CDRT4: variants seen among roughly 807,000 people sequenced by gnomAD.
CDRT4 encodes CMT1A duplicated region transcript 4 protein.
For missense variants in CDRT4, 167 were observed against 193.1 expected (o/e 0.87, Z 0.80); for synonymous variants, 64 against 69.6 (o/e 0.92, Z 0.40).
chr17:15,466,521 T>G (rs929314350), intron 1 of CDRT4, among the ~76,000 whole-genome samples: 2 of 152,208 alleles, frequency 1.3e-5, no homozygotes, highest in Admixed American at 1.3e-4. Context: ...TGTTCTAAAT[T>G]ACTTTTTTTA....
intron 1 of CDRT4, among the ~76,000 whole-genome samples, chr17:15,455,303 G>C (rs911533989): frequency 2.0e-5 from 3 of 152,180 alleles, no homozygotes; most frequent in African/African-American, 7.2e-5. Context: ...CTCCCAAGAG[G>C]AGTAAGGGTA....
At position 15,437,689 on chromosome 17, in the gene CDRT4, T is replaced by C; in HGVS notation, c.*84A>G. Reference sequence around the variant, plus strand: ...TTAAAGGACACTGTCAAGTGAGTGGTAAATGGAGCTTAACTTTTGTACGTT... The same window carrying C: ...TTAAAGGACACTGTCAAGTGAGTGGCAAATGGAGCTTAACTTTTGTACGTT... On this transcript the variant is annotated 3_prime_UTR_variant, in exon 4 of 4. Coordinates refer to ENST00000619038, the MANE Select transcript of CDRT4 (RefSeq NM_001204477.2). 1 of 1,376,348 alleles carries C rather than the reference T, an allele frequency of 7.3e-7. No individual in the cohort carries two copies. 85.3% of individuals were successfully genotyped at this position (1,376,348 alleles called of 1,614,324 possible).
chr17:15,443,815 C>T (rs557442092), intron 2 of CDRT4: 42 of 545,948 alleles, frequency 7.7e-5, no homozygotes, highest in South Asian at 1.9e-4. Flanking sequence ...GGTGGGGTAA[C>T]GGAAAGGAAC....
chr17:15,440,196 T>C lies in CDRT4; in HGVS notation c.31+12A>G. Reference sequence around the variant, plus strand: ...GTGCAGGAGCTTCCACTGGTAACACTCCCAACCCTACCTTCTTCTTTCTTC... The same window carrying C: ...GTGCAGGAGCTTCCACTGGTAACACCCCCAACCCTACCTTCTTCTTTCTTC... On this transcript the variant is annotated intron_variant, in intron 3 of 3. Coordinates refer to ENST00000619038, the MANE Select transcript of CDRT4 (RefSeq NM_001204477.2). 1 of 1,613,424 alleles carries C rather than the reference T, an allele frequency of 6.2e-7. No individual in the cohort carries two copies. The highest frequency in any genetic ancestry group is 8.5e-7 in the Non-Finnish European group (1 of 1,179,918).
chr17:15,455,618 CTT>C (rs953561799), intron 1 of CDRT4, among the ~76,000 whole-genome samples: 24 of 152,356 alleles, frequency 1.6e-4, no homozygotes, highest in African/African-American at 5.8e-4. Context: ...CTTACACTCT[CTT>C]TCTCGTTCAT....
chr17:15,442,216 G>A lies in CDRT4; in HGVS notation c.-47-1931C>T, dbSNP rs1300223467. 1.3e-5 allele frequency among the ~76,000 whole-genome samples: 2 copies of A among 152,116 alleles called. 1 individual carries two copies. The highest frequency in any genetic ancestry group is 2.9e-5 in the Non-Finnish European group (2 of 68,028). ...ACCTGAGGTTGGGAGTTCGAGATCA[G>A]CCTGGCTAACATGGTGAAACCCTGT... is the stretch of plus-strand genomic sequence containing the variant. On this transcript the variant is annotated intron_variant, in intron 2 of 3. Transcript: ENST00000619038.
intron 1 of CDRT4, among the ~76,000 whole-genome samples, chr17:15,456,933 A>G (rs536075069): frequency 1.3e-5 from 2 of 152,294 alleles, no homozygotes; most frequent in South Asian, 4.2e-4. Flanking sequence ...ATTTACCAAC[A>G]TTTAATAAAG....
intron 2 of CDRT4, among the ~76,000 whole-genome samples, chr17:15,441,892 T>C (rs142955383): frequency 1.3e-5 from 2 of 152,318 alleles, no homozygotes; most frequent in East Asian, 3.9e-4. Context: ...AATGCTCAAA[T>C]AGTCATCTAA....
At chr17:15,442,790 C>T (rs184048616) in intron 2 of CDRT4, among the ~76,000 whole-genome samples, 4 of 152,356 alleles carry the variant, frequency 2.6e-5, no homozygotes, top group Admixed American at 2.0e-4. Flanking sequence ...GTGTTTGAGA[C>T]TGCCTCAAAA....
chr17:15,454,085 A>G (rs1411547479), intron 1 of CDRT4, among the ~76,000 whole-genome samples: 1 of 152,190 alleles, frequency 6.6e-6, no homozygotes, highest in African/African-American at 2.4e-5. Flanking sequence ...GCCAAAACTG[A>G]GTCACTACGT....
At chr17:15,457,662 T>A (rs1979546782) in intron 1 of CDRT4, among the ~76,000 whole-genome samples, 1 of 152,260 alleles carries the variant, frequency 6.6e-6, no homozygotes, top group South Asian at 2.1e-4. Context: ...AACACTGGAA[T>A]CCCTCCCTCA....
At chr17:15,449,479 C>G (rs948729371) in intron 2 of CDRT4, among the ~76,000 whole-genome samples, 3 of 152,222 alleles carry the variant, frequency 2.0e-5, no homozygotes, top group Non-Finnish European at 2.9e-5. Flanking sequence ...CCAAGTCAAT[C>G]AACAGAGGTA....
In CDRT4 at chr17:15,437,255, A is replaced by G. The variant is rs975197608; in HGVS notation, c.*518T>C. The G allele has an allele frequency of 1.2e-5, 2 of 162,956 alleles. No individual in the cohort carries two copies. Among genetic ancestry groups the G allele is most frequent in the Admixed American group, 5.7e-5 (1 of 17,428 alleles). 10.1% of individuals were successfully genotyped at this position (162,956 alleles called of 1,614,324 possible). On this transcript the variant is annotated 3_prime_UTR_variant, in exon 4 of 4. Transcript: ENST00000619038. ...CATTGAGTGGCATCCCCACTCCCCC[A>G]CCTCAGAAGTCTGAGATTCAGCCCC...
chr17:15,453,302 C>A (rs1226507912), intron 1 of CDRT4, among the ~76,000 whole-genome samples: 1 of 152,166 alleles, frequency 6.6e-6, no homozygotes, highest in East Asian at 1.9e-4. Context: ...TCAAATGAGT[C>A]TTTCTAGGCA....
At chr17:15,448,777 C>A (rs1979139326) in intron 2 of CDRT4, among the ~76,000 whole-genome samples, 1 of 152,186 alleles carries the variant, frequency 6.6e-6, no homozygotes. Flanking sequence ...TGCCCGGTTG[C>A]TGCCAGCTCC....
Position 15,437,625 on chromosome 17 carries a change from T to G in CDRT4, c.*148A>C. Reference sequence around the variant, plus strand: ...ACAGCTTGCATTCTGATCTGGTTTCTCTTAGCCAAGCTCCGCATGAGCAAG... The same window carrying G: ...ACAGCTTGCATTCTGATCTGGTTTCGCTTAGCCAAGCTCCGCATGAGCAAG... On this transcript the variant is annotated 3_prime_UTR_variant, in exon 4 of 4. Transcript: ENST00000619038. The G allele has an allele frequency of 1.2e-6, 1 of 817,392 alleles. No individual in the cohort carries two copies. The highest frequency in any genetic ancestry group is 2.7e-5 in the Admixed American group (1 of 36,430). 50.6% of individuals were successfully genotyped at this position (817,392 alleles called of 1,614,324 possible).
chr17:15,439,084 T>C (rs994936548), intron 3 of CDRT4: 1 of 455,708 alleles, frequency 2.2e-6, no homozygotes, highest in African/African-American at 2.0e-5. Flanking sequence ...GTCCTTCCCA[T>C]CTTTCATTAG....
At chr17:15,454,685 G>C (rs1039975289) in intron 1 of CDRT4, among the ~76,000 whole-genome samples, 1 of 152,104 alleles carries the variant, frequency 6.6e-6, no homozygotes, top group African/African-American at 2.4e-5. Context: ...ATTCCTACTG[G>C]AAGTAATCTG....
chr17:15,454,769 T>C (rs1979411923), intron 1 of CDRT4, among the ~76,000 whole-genome samples: 1 of 152,140 alleles, frequency 6.6e-6, no homozygotes, highest in South Asian at 2.1e-4. Flanking sequence ...AGAACTCACG[T>C]TGAAACCCAC....
Sources: gnomAD v4.1 joint callset for allele counts (sites outside exome capture counted in the v4.1 genomes callset) on GRCh38, gnomAD v4.1.1 for gene constraint, MANE v1.5 for transcripts, NCBI Gene and HGNC (gene_info 2026-07-23, HGNC 2026-07-21) for gene names.